The following UBE2E1 variants were observed in gnomAD, a reference collection of about 807,000 sequenced individuals.
The protein encoded by UBE2E1 is ubiquitin-conjugating enzyme E2 E1.
A neutral mutation model predicts 21.4 loss-of-function variants in UBE2E1; 6 were observed. The observed-to-expected ratio is 0.28, with a 90% CI of 0.15 to 0.55. The LOEUF (loss-of-function observed/expected upper bound fraction) is 0.55, where lower values mean the gene tolerates loss of function less well. Among genes scored for constraint, UBE2E1 ranks in the 20% least tolerant of loss-of-function variants. UBE2E1 has a pLI of 0.93. For missense variants in UBE2E1, 142 were observed against 236.5 expected (o/e 0.60, Z 2.62); for synonymous variants, 87 against 82.7 (o/e 1.05, Z -0.28).
At position 23,807,414 on chromosome 3, in the gene UBE2E1, G is replaced by A; in HGVS notation, c.145G>A (p.Ala49Thr). Reference protein sequence around the residue: ...SKNSKLLSTSAKRIQKELADI... With the variant: ...SKNSKLLSTSTKRIQKELADI... ...AAACTCCAAACTCCTCTCCACCAGC[G>A]CCAAGAGGTACTGTGCTCTTTTTTT... The change falls in exon 2 of 6, where the codon GCC becomes ACC. Residue 49 changes from alanine to threonine, a missense_variant. By Grantham distance (58) the Ala-to-Thr change is moderately conservative (BLOSUM62 0). Transcript: ENST00000306627. 6.2e-7 allele frequency: 1 copy of A among 1,610,434 alleles called. No individual in the cohort carries two copies. The highest frequency in any genetic ancestry group is 8.5e-7 in the Non-Finnish European group (1 of 1,178,834).
chr3:23,869,374 T>C (rs1286046736), intron 3 of UBE2E1, among the ~76,000 whole-genome samples: 1 of 134,486 alleles, frequency 7.4e-6, no homozygotes, highest in East Asian at 2.1e-4. Flanking sequence ...TTTTTTTTTT[T>C]TAAGGATTTT....
rs1221095104 is a variant in UBE2E1 at position 23,810,860 on chromosome 3, G to C, written c.153-600G>C. On this transcript the variant is annotated intron_variant, in intron 2 of 5. Coordinates refer to ENST00000306627, the MANE Select transcript of UBE2E1 (RefSeq NM_003341.5). The surrounding 1 kb of genome is among the most constrained non-coding windows in gnomAD (Gnocchi z 5.8). Reference sequence around the variant, plus strand: ...AGCCCACCGCTGGGGAGCGACCTGCGGTCTGGGCCTCCCGGGCACCCCGCC... The same window carrying C: ...AGCCCACCGCTGGGGAGCGACCTGCCGTCTGGGCCTCCCGGGCACCCCGCC... 1 of 166,608 alleles carries C rather than the reference G, an allele frequency of 6.0e-6. No individual in the cohort carries two copies. The highest frequency in any genetic ancestry group is 2.4e-5 in the African/African-American group (1 of 41,952). The allele number at this position is 166,608 out of a possible 1,614,324, so 10.3% of individuals were successfully genotyped here.
chr3:23,853,186 C>T lies in UBE2E1; in HGVS notation c.204-34381C>T, dbSNP rs1700363904. Among the ~76,000 whole-genome samples, 2 of 152,222 alleles carry T rather than the reference C, an allele frequency of 1.3e-5. No homozygotes were observed. Among genetic ancestry groups the T allele is most frequent in the African/African-American group, 4.8e-5 (2 of 41,450 alleles). On this transcript the variant is annotated intron_variant, in intron 3 of 5. Coordinates refer to ENST00000306627, the MANE Select transcript of UBE2E1 (RefSeq NM_003341.5). This position sits in a 1 kb window ranked among gnomAD's most constrained non-coding sequence, Gnocchi z 4.1. ...GGGATTACAGGCGTGAGCCACCGCG[C>T]CCAGCTGCCTTATTTCTTTTTCTTG...
At chr3:23,830,624 C>T (rs1468496107) in intron 3 of UBE2E1, among the ~76,000 whole-genome samples, 1 of 152,150 alleles carries the variant, frequency 6.6e-6, no homozygotes, top group Non-Finnish European at 1.5e-5. Context: ...GTGGAGAATC[C>T]AGCCACTGCT....
At chr3:23,866,672 T>C (rs1459049045) in intron 3 of UBE2E1, among the ~76,000 whole-genome samples, 3 of 35,592 alleles carry the variant, frequency 8.4e-5, no homozygotes, top group East Asian at 8.4e-4. Context: ...GTTGTCACAT[T>C]ATTATCGAAA....
intron 3 of UBE2E1, among the ~76,000 whole-genome samples, chr3:23,818,469 A>G (rs1040526808): frequency 6.6e-6 from 1 of 152,224 alleles, no homozygotes; most frequent in Non-Finnish European, 1.5e-5. Context: ...GTTCTTCCCA[A>G]CTGCTTTAGT....
rs1700602902 is a variant in UBE2E1 at position 23,863,882 on chromosome 3, T to C, written c.204-23685T>C. Among the ~76,000 whole-genome samples the C allele has an allele frequency of 6.6e-6, 1 of 152,214 alleles. No homozygotes were observed. The highest frequency in any genetic ancestry group is 2.1e-4 in the South Asian group (1 of 4,830). On this transcript the variant is annotated intron_variant, in intron 3 of 5. Coordinates refer to ENST00000306627, the MANE Select transcript of UBE2E1 (RefSeq NM_003341.5). This position sits in a 1 kb window ranked among gnomAD's most constrained non-coding sequence, Gnocchi z 4.3. ...CTCCCCAGAGCCATCTGACCTCTTC[T>C]GGTTTTAACAGGCTACCTGCTAACT...
At chr3:23,858,318 A>T (rs1214041427) in intron 3 of UBE2E1, among the ~76,000 whole-genome samples, 3 of 151,930 alleles carry the variant, frequency 2.0e-5, no homozygotes, top group Non-Finnish European at 4.4e-5. Flanking sequence ...AAATATGAAG[A>T]AGTTTATTAT....
chr3:23,840,329 G>A (rs149497238), intron 3 of UBE2E1, among the ~76,000 whole-genome samples: 24 of 152,236 alleles, frequency 1.6e-4, no homozygotes, highest in East Asian at 1.3e-3. Flanking sequence ...CTGCACATGC[G>A]TGATAATTTT....
intron 3 of UBE2E1, among the ~76,000 whole-genome samples, chr3:23,850,799 C>T (rs1575015364): frequency 1.3e-5 from 2 of 149,228 alleles, no homozygotes; most frequent in African/African-American, 2.5e-5. Context: ...TCAGCCTCTC[C>T]AGTAGCAGGG....
intron 3 of UBE2E1, among the ~76,000 whole-genome samples, chr3:23,818,476 T>C (rs1464304962): frequency 6.6e-6 from 1 of 152,198 alleles, no homozygotes; most frequent in Non-Finnish European, 1.5e-5. Flanking sequence ...CCAACTGCTT[T>C]AGTTTGACGA....
At chr3:23,840,737 C>T (rs914447890) in intron 3 of UBE2E1, among the ~76,000 whole-genome samples, 4 of 152,174 alleles carry the variant, frequency 2.6e-5, no homozygotes, top group Admixed American at 2.0e-4. Flanking sequence ...CTAATTCATG[C>T]TTAGGTAAAT....
At chr3:23,847,750 C>G (rs1214781953) in intron 3 of UBE2E1, among the ~76,000 whole-genome samples, 1 of 152,122 alleles carries the variant, frequency 6.6e-6, no homozygotes, top group East Asian at 1.9e-4. Context: ...CCACCTCGGC[C>G]TCCCAAAGTG....
chr3:23,882,027 G>A (rs1463344782), intron 3 of UBE2E1, among the ~76,000 whole-genome samples: 1 of 152,224 alleles, frequency 6.6e-6, no homozygotes, highest in African/African-American at 2.4e-5. Context: ...TTCGCGGTGA[G>A]TGTTACAGCT....
chr3:23,817,222 C>G (rs1264681580), intron 3 of UBE2E1, among the ~76,000 whole-genome samples: 2 of 152,050 alleles, frequency 1.3e-5, no homozygotes, highest in East Asian at 3.9e-4. Flanking sequence ...GCGGGTAGAT[C>G]ACCTGAGGTC....
intron 3 of UBE2E1, 54 bp downstream of exon 3, chr3:23,811,564 T>G: frequency 2.6e-6 from 4 of 1,546,230 alleles, no homozygotes; most frequent in Non-Finnish European, 3.6e-6. Flanking sequence ...ACCTTTGTCT[T>G]GGGTTTTTCT....
intron 3 of UBE2E1, among the ~76,000 whole-genome samples, chr3:23,852,726 C>G (rs1410369086): frequency 6.6e-6 from 1 of 152,196 alleles, no homozygotes; most frequent in Non-Finnish European, 1.5e-5. Flanking sequence ...TCCCCAGTAG[C>G]TGGGACTTAC....
intron 3 of UBE2E1, among the ~76,000 whole-genome samples, chr3:23,878,479 C>T (rs1394372218): frequency 6.6e-6 from 1 of 152,196 alleles, no homozygotes; most frequent in Non-Finnish European, 1.5e-5. Flanking sequence ...CGTACTGGTC[C>T]CTGGCCCATT....
At chr3:23,890,100 T>G (rs1164428750) in intron 5 of UBE2E1, among the ~76,000 whole-genome samples, 1 of 152,162 alleles carries the variant, frequency 6.6e-6, no homozygotes, top group Non-Finnish European at 1.5e-5. Flanking sequence ...CCCCGAAGAC[T>G]TCACAGTATT....
Sources: gnomAD v4.1 joint callset for allele counts (sites outside exome capture counted in the v4.1 genomes callset) on GRCh38, gnomAD v4.1.1 for gene constraint, Gnocchi (gnomAD v3.1) non-coding constraint, MANE v1.5 for transcripts, NCBI Gene and HGNC (gene_info 2026-07-23, HGNC 2026-07-21) for gene names.